NFIB: variants seen among roughly 807,000 people sequenced by gnomAD.
NFIB encodes the protein nuclear factor 1 B-type.
Under a neutral mutation model 61.5 loss-of-function variants are expected in NFIB, and 11 were observed. That is an observed-to-expected ratio of 0.18 (90% confidence interval 0.11 to 0.30). The LOEUF is 0.30. Ranked by LOEUF, NFIB falls within the 10% of genes least tolerant of loss-of-function variation. The probability of loss-of-function intolerance (pLI) is 1.00; values close to 1 mark genes in which losing one functional copy is unlikely to be tolerated. For missense variants in NFIB, 471 were observed against 608.9 expected, an observed-to-expected ratio of 0.77 and a Z score of 2.38; for synonymous variants, 260 against 216.5, an observed-to-expected ratio of 1.20 and a Z score of -1.76.
the NFIB span, among the ~76,000 whole-genome samples, chr9:14,429,654 T>C: frequency 9.9e-5 from 15 of 152,126 alleles, no homozygotes; most frequent in African/African-American, 3.6e-4. Context: ...CAGCTGTTGG[T>C]GGGTAAGCAC....
intron 2 of NFIB, among the ~76,000 whole-genome samples, chr9:14,262,996 TAAA>T (rs1423843945): frequency 6.6e-6 from 1 of 152,162 alleles, no homozygotes; most frequent in Admixed American, 6.5e-5. Flanking sequence ...GTCAGGAGTC[TAAA>T]ACTGTGAAAC....
chr9:14,369,597 G>A (rs1427145919), intron 1 of NFIB, among the ~76,000 whole-genome samples: 2 of 152,012 alleles, frequency 1.3e-5, no homozygotes, highest in Non-Finnish European at 2.9e-5. Context: ...CCCTCCCAAA[G>A]CTCTGCTTTC....
At chr9:14,169,315 T>C (rs73411976) in intron 3 of NFIB, among the ~76,000 whole-genome samples, 9,034 of 152,088 alleles carry the variant, frequency 0.059, 887 homozygotes, top group African/African-American at 0.2. Flanking sequence ...ATGCAAGGTA[T>C]AGAGCACTGC....
chr9:14,101,594 T>A (rs1163622618), intron 10 of NFIB, among the ~76,000 whole-genome samples: 1 of 152,246 alleles, frequency 6.6e-6, no homozygotes, highest in Admixed American at 6.5e-5. Context: ...TACCTCACTC[T>A]CTTCTGCCAA....
At chr9:14,095,710 A>G (rs981385800) in intron 10 of NFIB, among the ~76,000 whole-genome samples, 1 of 152,196 alleles carries the variant, frequency 6.6e-6, no homozygotes, top group Non-Finnish European at 1.5e-5. Context: ...TAAAAGCAAA[A>G]ATCAGCATTA....
chr9:14,272,220 C>T (rs971563669), intron 2 of NFIB, among the ~76,000 whole-genome samples: 3 of 152,084 alleles, frequency 2.0e-5, no homozygotes, highest in Non-Finnish European at 4.4e-5. Context: ...CTGGAACTTG[C>T]AACTATAGCA....
intron 2 of NFIB, among the ~76,000 whole-genome samples, chr9:14,264,472 ACT>A (rs1180114264): frequency 2.0e-5 from 3 of 152,148 alleles, no homozygotes; most frequent in Non-Finnish European, 4.4e-5. Flanking sequence ...AGGAACCCCT[ACT>A]CTCTGTGCAT....
the NFIB span, among the ~76,000 whole-genome samples, chr9:14,478,314 T>A: frequency 6.6e-6 from 1 of 152,200 alleles, no homozygotes; most frequent in South Asian, 2.1e-4. Flanking sequence ...TGCTTTTGCC[T>A]CAGATGCTGC....
At chr9:14,418,065 G>C in the NFIB span, among the ~76,000 whole-genome samples, 1 of 152,104 alleles carries the variant, frequency 6.6e-6, no homozygotes, top group African/African-American at 2.4e-5. Context: ...AGCGCGGTGA[G>C]CCACCGCGCC....
chr9:14,452,015 C>T, the NFIB span, among the ~76,000 whole-genome samples: 5 of 152,054 alleles, frequency 3.3e-5, no homozygotes, highest in African/African-American at 1.2e-4. Context: ...CAAGTTAATC[C>T]GGGATGTCTG....
chr9:14,190,647 G>C (rs1587463254), intron 2 of NFIB, among the ~76,000 whole-genome samples: 1 of 152,182 alleles, frequency 6.6e-6, no homozygotes, highest in East Asian at 1.9e-4. Context: ...TGAGGAGACA[G>C]TAATTTCCTC....
chr9:14,224,302 T>C (rs77322260), intron 2 of NFIB, among the ~76,000 whole-genome samples: 2,282 of 152,308 alleles, frequency 0.015, 49 homozygotes, highest in African/African-American at 0.051. Flanking sequence ...AGAAACCATA[T>C]ATCCCTAATA....
chr9:14,492,831 G>A, the NFIB span, among the ~76,000 whole-genome samples: 2 of 152,160 alleles, frequency 1.3e-5, no homozygotes, highest in Admixed American at 6.5e-5. Context: ...GAGGCTAAGG[G>A]CCATGATGTG....
chr9:14,459,610 T>C, the NFIB span, among the ~76,000 whole-genome samples: 5 of 152,112 alleles, frequency 3.3e-5, no homozygotes, highest in Non-Finnish European at 5.9e-5. Flanking sequence ...ATTTTTGCAA[T>C]CTACTCATCT....
Position 14,313,684 on chromosome 9 carries a change from A to G in NFIB, c.-173T>C, listed in dbSNP as rs1177729755. 4.3e-5 allele frequency: 62 copies of G among 1,441,136 alleles called. No individual in the cohort carries two copies. Among genetic ancestry groups the G allele is most frequent in the Middle Eastern group, 1.8e-4 (1 of 5,436 alleles). The allele number at this position is 1,441,136 out of a possible 1,614,324, so 89.3% of individuals were successfully genotyped here. On this transcript the variant is annotated 5_prime_UTR_variant, in exon 1 of 11. Transcript: ENST00000380953. This position sits in a 1 kb window ranked among gnomAD's most constrained non-coding sequence, Gnocchi z 4.5. ...CAAACCCAGTCCTCCTTAAATAGCCAAAGATTCAAGTTCACTCGGCGTGCT... is the reference window on the plus strand; with the variant it reads ...CAAACCCAGTCCTCCTTAAATAGCCGAAGATTCAAGTTCACTCGGCGTGCT...
the NFIB span, among the ~76,000 whole-genome samples, chr9:14,427,003 G>C: frequency 6.6e-6 from 1 of 152,152 alleles, no homozygotes; most frequent in South Asian, 2.1e-4. Context: ...GCTGTCTCTG[G>C]AAAGGGACTA....
intron 1 of NFIB, among the ~76,000 whole-genome samples, chr9:14,371,683 T>A (rs1275495526): frequency 1.3e-5 from 2 of 152,210 alleles, no homozygotes; most frequent in Non-Finnish European, 2.9e-5. Flanking sequence ...CCTTGAGAAA[T>A]CAGAAGATCT....
At chr9:14,233,972 T>C (rs1215311161) in intron 2 of NFIB, among the ~76,000 whole-genome samples, 3 of 152,212 alleles carry the variant, frequency 2.0e-5, no homozygotes, top group Admixed American at 6.5e-5. Flanking sequence ...GATGCTTTAC[T>C]TATAGAAAGC....
chr9:14,117,692 T>A (rs114132705), intron 8 of NFIB, among the ~76,000 whole-genome samples: 1,600 of 152,308 alleles, frequency 0.011, 26 homozygotes, highest in African/African-American at 0.035. Context: ...ATCCTGATTA[T>A]TCATCATGGG....
Sources: allele counts gnomAD v4.1 joint callset (sites outside exome capture counted in the v4.1 genomes callset), GRCh38; gene constraint gnomAD v4.1.1; non-coding constraint Gnocchi (gnomAD v3.1); transcripts MANE v1.5; gene names NCBI Gene and HGNC (gene_info 2026-07-23, HGNC 2026-07-21).